Variants in PLCXD3 observed in about 807,000 individuals in gnomAD.
PLCXD3 encodes phosphatidylinositol specific phospholipase C X domain containing 3, also known as PI-PLC X domain-containing protein 3.
A neutral mutation model predicts 25.5 loss-of-function variants in PLCXD3; 19 were observed. The ratio of observed to expected loss-of-function variants is 0.75; its 90% CI spans 0.52 to 1.09. The LOEUF is 1.09. PLCXD3 is among the 50% of genes least tolerant of loss of function. The probability of loss-of-function intolerance (pLI) is 0.00; values close to 1 mark genes in which losing one functional copy is unlikely to be tolerated. For synonymous variants in PLCXD3, 174 were observed against 137.6 expected, an observed-to-expected ratio of 1.26 and a Z score of -1.85; for missense variants, 411 against 388.1, an observed-to-expected ratio of 1.06 and a Z score of -0.50.
chr5:41,507,132 C>A (rs760032160), intron 1 of PLCXD3, among the ~76,000 whole-genome samples: 1 of 152,154 alleles, frequency 6.6e-6, no homozygotes, highest in African/African-American at 2.4e-5. Flanking sequence ...ACCATGATTA[C>A]AGAGTTAGAA....
At chr5:41,333,405 C>T (rs559428723) in intron 2 of PLCXD3, among the ~76,000 whole-genome samples, 2 of 152,070 alleles carry the variant, frequency 1.3e-5, no homozygotes, top group Admixed American at 1.3e-4. Context: ...AAACTCTTGC[C>T]CAGAAGGTTA....
At chr5:41,446,922 G>T in intron 1 of PLCXD3, among the ~76,000 whole-genome samples, 1 of 152,166 alleles carries the variant, frequency 6.6e-6, no homozygotes, top group East Asian at 1.9e-4. Flanking sequence ...CTATATAATT[G>T]CTTTATACTG....
chr5:41,453,119 T>G (rs1468528710), intron 1 of PLCXD3, among the ~76,000 whole-genome samples: 1 of 151,936 alleles, frequency 6.6e-6, no homozygotes, highest in African/African-American at 2.4e-5. Context: ...ATTCCTCGTT[T>G]AACCAAAATT....
chr5:41,353,559 G>A (rs1744534992), intron 2 of PLCXD3, among the ~76,000 whole-genome samples: 1 of 152,134 alleles, frequency 6.6e-6, no homozygotes, highest in Non-Finnish European at 1.5e-5. Flanking sequence ...AATATTTATT[G>A]AGCATCTACT....
chr5:41,348,037 T>C (rs1249359046), intron 2 of PLCXD3, among the ~76,000 whole-genome samples: 3 of 152,212 alleles, frequency 2.0e-5, no homozygotes, highest in African/African-American at 7.2e-5. Context: ...CTCTGGCAGC[T>C]CCAGTGGATA....
intron 1 of PLCXD3, among the ~76,000 whole-genome samples, chr5:41,388,195 GACAA>G (rs1745698887): frequency 6.6e-6 from 1 of 151,798 alleles, no homozygotes; most frequent in Non-Finnish European, 1.5e-5. Flanking sequence ...TAGGCATAGA[GACAA>G]ACAAATAAAA....
chr5:41,330,239 C>T (rs139707744), intron 2 of PLCXD3, among the ~76,000 whole-genome samples: 6,739 of 151,838 alleles, frequency 0.044, 179 homozygotes, highest in Non-Finnish European at 0.063. Context: ...ATCAAATAGA[C>T]GCAATAAAAA....
chr5:41,441,717 C>A (rs1265136924), intron 1 of PLCXD3, among the ~76,000 whole-genome samples: 2 of 152,186 alleles, frequency 1.3e-5, no homozygotes, highest in East Asian at 1.9e-4. Flanking sequence ...TAGACAACGT[C>A]TTGGGGATAA....
intron 1 of PLCXD3, among the ~76,000 whole-genome samples, chr5:41,493,279 C>T (rs556887852): frequency 1.5e-3 from 235 of 152,268 alleles, no homozygotes; most frequent in Non-Finnish European, 2.7e-3. Context: ...GCTGTCTGAT[C>T]GTTCCTCTGG....
intron 2 of PLCXD3, among the ~76,000 whole-genome samples, chr5:41,372,774 T>C (rs1230661246): frequency 6.6e-6 from 1 of 151,976 alleles, no homozygotes; most frequent in Non-Finnish European, 1.5e-5. Context: ...CCATGCATGG[T>C]GGCTCATACC....
At chr5:41,414,949 G>A (rs1746659136) in intron 1 of PLCXD3, among the ~76,000 whole-genome samples, 1 of 152,078 alleles carries the variant, frequency 6.6e-6, no homozygotes, top group African/African-American at 2.4e-5. Context: ...TAATGATGCT[G>A]GTATATTGTT....
chr5:41,336,890 G>A (rs1337574343), intron 2 of PLCXD3, among the ~76,000 whole-genome samples: 1 of 152,050 alleles, frequency 6.6e-6, no homozygotes, highest in Non-Finnish European at 1.5e-5. Flanking sequence ...GAATTCGAGA[G>A]TAAACCTTCT....
At chr5:41,506,139 G>A (rs765346429) in intron 1 of PLCXD3, among the ~76,000 whole-genome samples, 39 of 152,156 alleles carry the variant, frequency 2.6e-4, no homozygotes, top group Admixed American at 2.0e-4. Flanking sequence ...CATGTATGCT[G>A]ATGATGTTGG....
At chr5:41,403,305 C>G (rs1295521867) in intron 1 of PLCXD3, among the ~76,000 whole-genome samples, 1 of 140,242 alleles carries the variant, frequency 7.1e-6, no homozygotes, top group Non-Finnish European at 1.5e-5. Context: ...TATTTAAAGG[C>G]TTTTAATTAT....
At chr5:41,459,587 C>T (rs777397018) in intron 1 of PLCXD3, among the ~76,000 whole-genome samples, 1 of 151,764 alleles carries the variant, frequency 6.6e-6, no homozygotes, top group Non-Finnish European at 1.5e-5. Context: ...CCTAAAATAA[C>T]ACACACAGAA....
intron 2 of PLCXD3, among the ~76,000 whole-genome samples, chr5:41,353,541 A>G (rs1744534693): frequency 6.6e-6 from 1 of 152,204 alleles, no homozygotes; most frequent in South Asian, 2.1e-4. Flanking sequence ...ATTTTTATTC[A>G]TTCAACAAAT....
chr5:41,366,816 G>C (rs1470398940), intron 2 of PLCXD3, among the ~76,000 whole-genome samples: 1 of 152,134 alleles, frequency 6.6e-6, no homozygotes, highest in Non-Finnish European at 1.5e-5. Flanking sequence ...CCGTGCCCCA[G>C]TGTGTGTCAT....
Position 41,478,075 on chromosome 5 carries a change from C to T in PLCXD3, c.103+32349G>A, listed in dbSNP as rs188813158. Among the ~76,000 whole-genome samples, 265 of 152,298 alleles carry T rather than the reference C, an allele frequency of 1.7e-3. 2 individuals are homozygous for T. The highest frequency in any genetic ancestry group is 6.2e-3 in the African/African-American group (256 of 41,576). Reference sequence around the variant, plus strand: ...CAATGGCTAACTACTATTCCACCCTCATCTCATGATAGGCTGGCCATGTTT... The same window carrying T: ...CAATGGCTAACTACTATTCCACCCTTATCTCATGATAGGCTGGCCATGTTT... On this transcript the variant is annotated intron_variant, in intron 1 of 2. Transcript: ENST00000377801.
intron 1 of PLCXD3, among the ~76,000 whole-genome samples, chr5:41,419,751 T>C (rs966644982): frequency 6.6e-6 from 1 of 152,206 alleles, no homozygotes; most frequent in African/African-American, 2.4e-5. Context: ...TTTTAATCTA[T>C]TTGTGCCTGA....
Sources: allele counts gnomAD v4.1 joint callset (sites outside exome capture counted in the v4.1 genomes callset), GRCh38; gene constraint gnomAD v4.1.1; transcripts MANE v1.5; gene names NCBI Gene and HGNC (gene_info 2026-07-23, HGNC 2026-07-21).